KIF9: variants seen among roughly 807,000 people sequenced by gnomAD.
KIF9 encodes kinesin family member 9.
Under a neutral mutation model 94.8 loss-of-function variants are expected in KIF9, and 68 were observed. The observed-to-expected ratio is 0.72, with a 90% confidence interval of 0.59 to 0.88. KIF9 has a LOEUF of 0.88. KIF9 is among the 40% of genes least tolerant of loss of function. The pLI is 0.00. For synonymous variants in KIF9, 343 were observed against 362.1 expected (o/e 0.95, Z 0.60); for missense variants, 882 against 982.5 (o/e 0.90, Z 1.37).
chr3:47,280,914 C>T (rs1317705975), intron 1 of KIF9: 3 of 702,944 alleles, frequency 4.3e-6, no homozygotes, highest in Non-Finnish European at 7.8e-6. Flanking sequence ...CCCTTTAACA[C>T]CCAAACATTT....
chr3:47,239,807 G>A (rs2107135270), intron 17 of KIF9: 1 of 1,367,388 alleles, frequency 7.3e-7, no homozygotes, highest in South Asian at 1.1e-5. Context: ...TGATGCATCT[G>A]ACTTGCAGGA....
intron 17 of KIF9, among the ~76,000 whole-genome samples, chr3:47,238,168 T>C (rs190365034): frequency 3.3e-5 from 5 of 152,338 alleles, no homozygotes; most frequent in Non-Finnish European, 7.3e-5. Context: ...TCCAAATATG[T>C]TGACCTTCCT....
At chr3:47,245,286 G>C in intron 14 of KIF9, 135 bp downstream of exon 14, 2 of 755,370 alleles carry the variant, frequency 2.6e-6, no homozygotes, top group African/African-American at 3.4e-5. Context: ...CAGGTCACCT[G>C]TGTTCATTCT....
At chr3:47,271,488 C>G (rs762026517) in intron 4 of KIF9, 27 bp from the exon 5 acceptor site, 1 of 1,586,758 alleles carries the variant, frequency 6.3e-7, no homozygotes, top group Non-Finnish European at 8.7e-7. Flanking sequence ...ACAGCGGTCA[C>G]CAAGAGCAGA....
In KIF9 at chr3:47,277,325, T is replaced by G; in HGVS notation, c.50A>C (p.Asp17Ala). 1 of 1,614,122 alleles carries G rather than the reference T, an allele frequency of 6.2e-7. No homozygotes were observed. Among genetic ancestry groups the G allele is most frequent in the Non-Finnish European group, 8.5e-7 (1 of 1,180,002 alleles). ...VHAFVRVKPT[D>A]DFAHEMIRYG... ...TCTGATCATTTCATGAGCAAAGTCA[T>G]CGGTGGGTTTGACACGGACAAATGC... Residue 17 changes from aspartate (D) to alanine (A), a missense_variant, in exon 2 of 21, where the codon GAT becomes GCT. Asp to Ala is a moderately radical substitution (Grantham distance 126). Coordinates refer to ENST00000684063, the MANE Select transcript of KIF9 (RefSeq NM_182902.4).
intron 7 of KIF9, among the ~76,000 whole-genome samples, chr3:47,266,308 A>G (rs1016333945): frequency 2.6e-5 from 4 of 152,210 alleles, no homozygotes; most frequent in African/African-American, 9.7e-5. Flanking sequence ...ACAAATATTT[A>G]TTTGAAATAC....
intron 15 of KIF9, chr3:47,244,268 T>G (rs1699776625): frequency 6.5e-6 from 1 of 153,896 alleles, no homozygotes; most frequent in Non-Finnish European, 1.4e-5. Flanking sequence ...TACCCACCAC[T>G]ACACAGCACC....
At chr3:47,265,609 G>T in intron 8 of KIF9, 121 bp downstream of exon 8, 1 of 996,146 alleles carries the variant, frequency 1.0e-6, no homozygotes, top group Non-Finnish European at 1.5e-6. Flanking sequence ...TGAATGTGCT[G>T]CAGGTGAATC....
intron 1 of KIF9, chr3:47,282,102 G>T: frequency 1.3e-6 from 1 of 752,142 alleles, no homozygotes; most frequent in Non-Finnish European, 1.6e-6. Context: ...AGTGGGCTTT[G>T]GACCCATTCC....
intron 9 of KIF9, among the ~76,000 whole-genome samples, chr3:47,258,291 G>A (rs1559449608): frequency 6.6e-6 from 1 of 152,104 alleles, no homozygotes; most frequent in Non-Finnish European, 1.5e-5. Context: ...TGTCATCCAG[G>A]TTGGAGTGCA....
chr3:47,255,616 A>C (rs1029824183), intron 10 of KIF9, among the ~76,000 whole-genome samples: 1 of 152,188 alleles, frequency 6.6e-6, no homozygotes, highest in Non-Finnish European at 1.5e-5. Flanking sequence ...CTGATGTTGA[A>C]CTACAGGTCA....
intron 10 of KIF9, among the ~76,000 whole-genome samples, chr3:47,248,685 C>T (rs1217171992): frequency 3.3e-5 from 5 of 152,042 alleles, no homozygotes; most frequent in African/African-American, 9.7e-5. Flanking sequence ...TCAGGTGATG[C>T]ACCCACCTCA....
At chr3:47,243,932 T>A (rs1440150027) in intron 15 of KIF9, 3 of 152,228 alleles carry the variant, frequency 2.0e-5, no homozygotes, top group African/African-American at 7.2e-5. Flanking sequence ...CTGCACTGAT[T>A]ATCCGGAAGC....
rs1176063714 is a variant in KIF9, at chr3:47,242,209, C to T, written c.1709+842G>A. Among the ~76,000 whole-genome samples, 3 of 152,092 alleles carry T rather than the reference C, an allele frequency of 2.0e-5. No individual in the cohort carries two copies. The East Asian group carries it at 5.8e-4, about 29-fold the overall frequency. On this transcript the variant is annotated intron_variant, in intron 16 of 20. Coordinates refer to ENST00000684063, the MANE Select transcript of KIF9 (RefSeq NM_182902.4). ...TGATATATTTTTGAATGGCTAAGGC[C>T]ATGCAGTATGTTTAATTTTACATCT... is the stretch of plus-strand genomic sequence containing the variant.
chr3:47,251,763 A>G (rs531595963), intron 10 of KIF9, among the ~76,000 whole-genome samples: 1 of 152,322 alleles, frequency 6.6e-6, no homozygotes, highest in Admixed American at 6.5e-5. Flanking sequence ...ATCCCACTGC[A>G]GCTTGCCAGT....
chr3:47,232,704 C>G (rs576884530), intron 20 of KIF9, among the ~76,000 whole-genome samples: 1 of 151,942 alleles, frequency 6.6e-6, no homozygotes, highest in South Asian at 2.1e-4. Flanking sequence ...GAAAGTCGGC[C>G]GGGCATGCTG....
intron 12 of KIF9, 100 bp from the exon 13 acceptor site, chr3:47,246,352 CT>C: frequency 1.2e-6 from 1 of 832,816 alleles, no homozygotes; most frequent in Non-Finnish European, 1.8e-6. Flanking sequence ...TGGCTGACCC[CT>C]GGACCATCTG....
chr3:47,248,215 G>A, intron 10 of KIF9, 129 bp from the exon 11 acceptor site: 3 of 729,512 alleles, frequency 4.1e-6, no homozygotes, highest in Non-Finnish European at 7.1e-6. Flanking sequence ...TGGATCCACA[G>A]GGTATGCTTT....
At chr3:47,240,756 C>T (rs1195463646) in intron 17 of KIF9, 45 bp downstream of exon 17, 45 of 1,535,852 alleles carry the variant, frequency 2.9e-5, no homozygotes, top group Non-Finnish European at 4.0e-5. Context: ...ACCAGCATGA[C>T]TCTGAGACCC....
Sources: gnomAD v4.1 joint callset for allele counts (sites outside exome capture counted in the v4.1 genomes callset) on GRCh38, gnomAD v4.1.1 for gene constraint, MANE v1.5 for transcripts, NCBI Gene and HGNC (gene_info 2026-07-23, HGNC 2026-07-21) for gene names.